Variants in SOX5 observed in about 807,000 individuals in gnomAD.
SOX5 encodes the protein transcription factor SOX-5.
In SOX5, 9 loss-of-function variants were observed where a neutral mutation model predicts 92.0. That is an observed-to-expected ratio of 0.10 (90% CI 0.06 to 0.17). The LOEUF is 0.17. Among genes scored for constraint, SOX5 ranks in the 10% least tolerant of loss-of-function variants. The pLI is 1.00. For missense variants in SOX5, 642 were observed against 944.5 expected, an observed-to-expected ratio of 0.68 and a Z score of 4.20; for synonymous variants, 344 against 336.3, an observed-to-expected ratio of 1.02 and a Z score of -0.25.
intron 4 of SOX5, among the ~76,000 whole-genome samples, chr12:24,024,919 G>A (rs536347613): frequency 6.6e-6 from 1 of 152,092 alleles, no homozygotes; most frequent in African/African-American, 2.4e-5. Context: ...AGGAATTCCA[G>A]AGGTGATTTC....
chr12:24,334,970 T>C (rs1951731450), intron 2 of SOX5, among the ~76,000 whole-genome samples: 1 of 152,138 alleles, frequency 6.6e-6, no homozygotes, highest in South Asian at 2.1e-4. Context: ...GAATTTTCTC[T>C]GATATAATGT....
chr12:24,070,822 T>C (rs79557967), intron 4 of SOX5, among the ~76,000 whole-genome samples: 299 of 152,332 alleles, frequency 2.0e-3, no homozygotes, highest in South Asian at 6.2e-3. Flanking sequence ...CGGATTGAGA[T>C]ACAGCCTATT....
At chr12:24,022,390 T>TGGG (rs1954398386) in intron 4 of SOX5, among the ~76,000 whole-genome samples, 1 of 152,062 alleles carries the variant, frequency 6.6e-6, no homozygotes, top group South Asian at 2.1e-4. Flanking sequence ...CAGCACAAGA[T>TGGG]CAGTCTAAAG....
At chr12:23,737,626 T>C (rs906290116) in intron 5 of SOX5, among the ~76,000 whole-genome samples, 2 of 152,194 alleles carry the variant, frequency 1.3e-5, no homozygotes, top group African/African-American at 4.8e-5. Context: ...GGTGTACATA[T>C]AATGCCTGCA....
intron 6 of SOX5, among the ~76,000 whole-genome samples, chr12:23,691,550 T>G (rs922901206): frequency 2.0e-5 from 3 of 152,198 alleles, no homozygotes; most frequent in Admixed American, 2.0e-4. Context: ...AGTCAATTTA[T>G]TTAATGATTA....
chr12:23,920,650 T>C (rs552516540), intron 1 of SOX5: 2 of 152,290 alleles, frequency 1.3e-5, no homozygotes, highest in South Asian at 4.1e-4. Flanking sequence ...CTTTTATCCA[T>C]GGACCTACTC....
intron 2 of SOX5, among the ~76,000 whole-genome samples, chr12:24,351,368 G>A (rs1016981666): frequency 1.3e-5 from 2 of 152,018 alleles, no homozygotes; most frequent in Admixed American, 6.6e-5. Context: ...GTAAATTATC[G>A]AATATCTCTA....
At chr12:24,068,704 G>GTATATATA (rs1164844032) in intron 4 of SOX5, among the ~76,000 whole-genome samples, 29 of 74,304 alleles carry the variant, frequency 3.9e-4, no homozygotes, top group African/African-American at 1.4e-3. Flanking sequence ...GTGTGTGTGT[G>GTATATATA]TATATATATA....
intron 4 of SOX5, among the ~76,000 whole-genome samples, chr12:24,188,605 CA>C (rs1245956961): frequency 6.6e-6 from 1 of 151,890 alleles, no homozygotes; most frequent in Non-Finnish European, 1.5e-5. Context: ...ATAAAAAAAA[CA>C]GTAGAAAAAT....
chr12:23,728,031 G>T (rs968393724), intron 6 of SOX5, among the ~76,000 whole-genome samples: 3 of 152,072 alleles, frequency 2.0e-5, no homozygotes, highest in Non-Finnish European at 2.9e-5. Context: ...ATTAAAAAAA[G>T]AATACTTAAG....
intron 3 of SOX5, among the ~76,000 whole-genome samples, chr12:23,784,672 A>G (rs2095347164): frequency 6.6e-6 from 1 of 152,222 alleles, no homozygotes; most frequent in Non-Finnish European, 1.5e-5. Context: ...CCAAAATAAA[A>G]TGGGAATATG....
At chr12:24,150,564 GA>G (rs1358816433) in intron 4 of SOX5, among the ~76,000 whole-genome samples, 1 of 152,098 alleles carries the variant, frequency 6.6e-6, no homozygotes. Context: ...TGGCAAAATA[GA>G]AGGTAAAACG....
At chr12:24,094,229 G>A (rs979812684) in intron 4 of SOX5, among the ~76,000 whole-genome samples, 1 of 152,174 alleles carries the variant, frequency 6.6e-6, no homozygotes, top group Non-Finnish European at 1.5e-5. Context: ...TTACAGGCAT[G>A]AGCCACCACA....
chr12:23,794,702 T>C (rs1254564112), intron 3 of SOX5, among the ~76,000 whole-genome samples: 1 of 152,168 alleles, frequency 6.6e-6, no homozygotes, highest in African/African-American at 2.4e-5. Context: ...ATTTTTTATT[T>C]CATCCTTTTC....
At chr12:24,242,467 T>A (rs778883253) in intron 3 of SOX5, among the ~76,000 whole-genome samples, 10 of 152,184 alleles carry the variant, frequency 6.6e-5, no homozygotes, top group Non-Finnish European at 1.3e-4. Context: ...ATGAGGACAT[T>A]CTGAAAACAC....
At chr12:23,956,336 C>T (rs186738589) in intron 4 of SOX5, among the ~76,000 whole-genome samples, 3 of 152,266 alleles carry the variant, frequency 2.0e-5, no homozygotes, top group East Asian at 3.9e-4. Flanking sequence ...CAGTACTGGT[C>T]CATGTCCTGT....
intron 1 of SOX5, among the ~76,000 whole-genome samples, chr12:24,376,750 A>C (rs1957322591): frequency 1.8e-5 from 2 of 113,506 alleles, no homozygotes; most frequent in African/African-American, 3.5e-5. Context: ...ACTGTCACCC[A>C]GGCTGGAGTA....
At chr12:23,807,212 G>A (rs2095795965) in intron 3 of SOX5, among the ~76,000 whole-genome samples, 1 of 152,184 alleles carries the variant, frequency 6.6e-6, no homozygotes. Flanking sequence ...CTATCCATTT[G>A]TCTTTACATT....
At chr12:23,949,748 C>G, upstream of SOX5, 1 of 974,628 alleles carries the variant, frequency 1.0e-6, no homozygotes, top group South Asian at 1.5e-5. Flanking sequence ...CTCTCTCTCT[C>G]TCTCCCTCTC....
Sources: allele counts gnomAD v4.1 joint callset (sites outside exome capture counted in the v4.1 genomes callset), GRCh38; gene constraint gnomAD v4.1.1; transcripts MANE v1.5; gene names NCBI Gene and HGNC (gene_info 2026-07-23, HGNC 2026-07-21).